The following LCTL variants were observed in gnomAD, a reference collection of about 807,000 sequenced individuals.
LCTL encodes the protein lactase-like protein.
In LCTL, 76 loss-of-function variants were observed where a neutral mutation model predicts 75.8. The observed-to-expected ratio is 1.00, with a 90% confidence interval of 0.83 to 1.21. The LOEUF (loss-of-function observed/expected upper bound fraction) is 1.21. Among genes scored for constraint, LCTL ranks in the 50% most tolerant of loss-of-function variants. The pLI is 0.00. For synonymous variants in LCTL, 271 were observed against 268.8 expected (o/e 1.01, Z -0.08); for missense variants, 670 against 712.4 (o/e 0.94, Z 0.68).
At chr15:66,556,762 G>T (rs1382784357) in intron 8 of LCTL, among the ~76,000 whole-genome samples, 2 of 152,148 alleles carry the variant, frequency 1.3e-5, no homozygotes, top group African/African-American at 4.8e-5. Flanking sequence ...CAAAATCAGA[G>T]ACTGTGGAAT....
Position 66,565,266 on chromosome 15 carries a change from AG to A in LCTL, c.99del (p.Tyr34MetfsTer52), listed in dbSNP as rs1217455130. On this transcript the variant is annotated frameshift_variant, in exon 1 of 13. Coordinates refer to ENST00000341509, the Ensembl canonical transcript of LCTL. LOFTEE classifies it high-confidence loss of function. ...GCCGTACCAAGAGGGAAGGTTCCATAGTAGAAGGAGGCCTCTTCTGGGGACC... is the reference window on the plus strand; with the variant it reads ...GCCGTACCAAGAGGGAAGGTTCCATATAGAAGGAGGCCTCTTCTGGGGACC... 1 of 1,611,082 alleles carries A rather than the reference AG, an allele frequency of 6.2e-7. No homozygotes were observed.
exon 1 of LCTL, chr15:66,565,366 G>T (rs1271069061): frequency 2.5e-6 from 4 of 1,592,634 alleles, no homozygotes; most frequent in Admixed American, 1.7e-5. Context: ...CTGGCTTCAT[G>T]GTGCCTGGCC....
rs183222637 is a variant in LCTL, at chr15:66,548,460, T to G, written c.*30A>C. The G allele has an allele frequency of 7.4e-4, 931 of 1,265,904 alleles. 7 individuals carry two copies. In the African/African-American group the frequency reaches 0.012, roughly 17 times the overall value. 78.4% of individuals were successfully genotyped at this position (1,265,904 alleles called of 1,614,324 possible). On this transcript the variant is annotated 3_prime_UTR_variant, in exon 13 of 13. Transcript: ENST00000341509. The stretch of plus-strand genomic sequence containing the variant: ...AGGGAGGAAGATCCTGAAGATTCTC[T>G]TATGAAGCTCCAAAATTGATAATCC...
At chr15:66,565,305 C>T (rs1346110357) in exon 1 of LCTL, 1 of 1,613,370 alleles carries the variant, frequency 6.2e-7, no homozygotes, top group Non-Finnish European at 8.5e-7. Flanking sequence ...TTCCGGGCGG[C>T]CCCCAGCCTG....
rs780816817 is a variant in LCTL, at chr15:66,552,035, T to A, written c.1324+8A>T. 3.1e-6 allele frequency: 5 copies of A among 1,607,824 alleles called. No individual in the cohort carries two copies. The highest frequency in any genetic ancestry group is 4.2e-6 in the Non-Finnish European group (5 of 1,178,014). On this transcript the variant is annotated splice_region_variant and intron_variant, in intron 10 of 12. Coordinates refer to ENST00000341509, the Ensembl canonical transcript of LCTL. The stretch of plus-strand genomic sequence containing the variant: ...GAAAACTGCAGACAATCTTGGTTTG[T>A]GTCTCACCTTTTAGCATTTCATTTA...
chr15:66,548,716 C>T (rs1205018503), intron 12 of LCTL, 111 bp from the exon 14 acceptor site: 3 of 482,542 alleles, frequency 6.2e-6, no homozygotes, highest in Non-Finnish European at 1.1e-5. Context: ...AAATAGCATC[C>T]TCAAATTTTC....
chr15:66,560,861 C>T, intron 6 of LCTL, 145 bp downstream of exon 7: 1 of 676,198 alleles, frequency 1.5e-6, no homozygotes, highest in Non-Finnish European at 2.5e-6. Context: ...AGAACACGCC[C>T]TCCATAAATC....
exon 10 of LCTL, chr15:66,552,161 G>A (rs138321004): frequency 1.1e-4 from 180 of 1,608,820 alleles, no homozygotes; most frequent in Middle Eastern, 1.7e-4. Flanking sequence ...GAGGATCACC[G>A]TATTGAGTCT....
intron 12 of LCTL, 135 bp from the exon 14 acceptor site, chr15:66,548,740 C>A: frequency 6.1e-6 from 3 of 495,850 alleles, no homozygotes; most frequent in South Asian, 3.7e-5. Context: ...TTCTTATTTG[C>A]CATGAAATAG....
intron 8 of LCTL, among the ~76,000 whole-genome samples, chr15:66,554,331 C>G (rs1895692997): frequency 6.8e-6 from 1 of 146,324 alleles, no homozygotes; most frequent in Admixed American, 6.9e-5. Context: ...TGGTGGTGGG[C>G]ATCTGTAATC....
chr15:66,564,168 C>G (rs1895963792), intron 2 of LCTL, 170 bp from the exon 4 acceptor site: 1 of 612,504 alleles, frequency 1.6e-6, no homozygotes, highest in Admixed American at 2.7e-5. Context: ...CCACTTCATG[C>G]AGGGGATATG....
intron 6 of LCTL, among the ~76,000 whole-genome samples, chr15:66,558,298 G>A (rs764180329): frequency 1.3e-5 from 2 of 152,116 alleles, no homozygotes; most frequent in African/African-American, 4.8e-5. Context: ...AAAGTTTCCT[G>A]TTTTGTTCCT....
At chr15:66,552,987 A>T (rs992122708) in exon 9 of LCTL, 3 of 1,445,754 alleles carry the variant, frequency 2.1e-6, no homozygotes, top group Non-Finnish European at 2.7e-6. Context: ...TAATCACCTG[A>T]GCAAAGTTAA....
rs902179850 is a variant in LCTL, at chr15:66,551,207, C to T, written c.1524+455G>A. 4.6e-5 allele frequency among the ~76,000 whole-genome samples: 7 copies of T among 151,432 alleles called. No homozygotes were observed. In the South Asian group the frequency reaches 6.2e-4, roughly 14 times the overall value. ...ACTAAAAATACAAAAATTAGCTGGG[C>T]GTGGTGGCATGCCCCTGTAATCCCA... On this transcript the variant is annotated intron_variant, in intron 11 of 12. Transcript: ENST00000341509.
At chr15:66,553,121 A>G (rs567861569) in exon 9 of LCTL, 7 of 1,612,018 alleles carry the variant, frequency 4.3e-6, no homozygotes, top group Non-Finnish European at 5.9e-6. Flanking sequence ...CGGGAGGGGT[A>G]GTTCCTTTCC....
chr15:66,560,035 C>T (rs904395669), intron 6 of LCTL, among the ~76,000 whole-genome samples: 1 of 151,866 alleles, frequency 6.6e-6, no homozygotes, highest in South Asian at 2.1e-4. Context: ...TGCAGTGAGC[C>T]GAGATCACGC....
intron 8 of LCTL, among the ~76,000 whole-genome samples, chr15:66,555,958 T>C (rs1895730754): frequency 6.6e-6 from 1 of 152,186 alleles, no homozygotes; most frequent in Admixed American, 6.5e-5. Context: ...TGCAGTGAGA[T>C]ACAACCTCAC....
At chr15:66,555,227 T>C (rs1364922919) in intron 8 of LCTL, among the ~76,000 whole-genome samples, 1 of 152,188 alleles carries the variant, frequency 6.6e-6, no homozygotes, top group Non-Finnish European at 1.5e-5. Flanking sequence ...CTTGCACTGA[T>C]ACAATAGCCA....
At chr15:66,552,890 T>G in intron 9 of LCTL, 94 bp downstream of exon 10, 1 of 1,168,146 alleles carries the variant, frequency 8.6e-7, no homozygotes, top group South Asian at 2.5e-5. Flanking sequence ...TTTATTTTGT[T>G]TTATTAACTT....
Sources: gnomAD v4.1 joint callset for allele counts (sites outside exome capture counted in the v4.1 genomes callset) on GRCh38, gnomAD v4.1.1 for gene constraint, MANE v1.5 for transcripts, NCBI Gene and HGNC (gene_info 2026-07-23, HGNC 2026-07-21) for gene names.